MDGA2: variants seen among roughly 807,000 people sequenced by gnomAD.
The protein encoded by MDGA2 is MAM domain-containing glycosylphosphatidylinositol anchor protein 2.
MDGA2 carries 40 observed loss-of-function variants against 117.8 expected under a neutral mutation model. The ratio of observed to expected loss-of-function variants is 0.34; its 90% CI spans 0.26 to 0.44. The LOEUF (loss-of-function observed/expected upper bound fraction) is 0.44, where lower values mean the gene tolerates loss of function less well. Among genes scored for constraint, MDGA2 ranks in the 20% least tolerant of loss-of-function variants. The pLI, the probability that MDGA2 is intolerant of heterozygous loss-of-function variation, is 1.00. For missense variants in MDGA2, 1,123 were observed against 1,250.6 expected, an observed-to-expected ratio of 0.90 and a Z score of 1.54; for synonymous variants, 452 against 439.0, an observed-to-expected ratio of 1.03 and a Z score of -0.37.
intron 1 of MDGA2, among the ~76,000 whole-genome samples, chr14:47,592,126 G>A (rs1443221626): frequency 6.6e-6 from 1 of 152,044 alleles, no homozygotes; most frequent in Non-Finnish European, 1.5e-5. Context: ...AATCATGAAT[G>A]AACTCCCATT....
chr14:47,595,549 A>AAAC (rs1385847795), intron 1 of MDGA2, among the ~76,000 whole-genome samples: 3 of 111,176 alleles, frequency 2.7e-5, no homozygotes, highest in East Asian at 8.6e-4. Flanking sequence ...CCAAAAAACA[A>AAAC]AAAAAAACAA....
At chr14:47,275,757 G>C (rs945203613) in intron 2 of MDGA2, among the ~76,000 whole-genome samples, 1 of 152,036 alleles carries the variant, frequency 6.6e-6, no homozygotes, top group African/African-American at 2.4e-5. Flanking sequence ...TTTTTTTAGA[G>C]TTTAGTACAT....
At position 47,038,879 on chromosome 14, in the gene MDGA2, G is replaced by T. The variant is rs1362758356; in HGVS notation, c.1526-3575C>A. Among the ~76,000 whole-genome samples, 3 of 151,788 alleles carry T rather than the reference G, an allele frequency of 2.0e-5. No homozygotes were observed. The East Asian group carries it at 5.8e-4, about 29-fold the overall frequency. On this transcript the variant is annotated intron_variant, in intron 7 of 16. Transcript: ENST00000399232. ...GCAGGAGAATTGTTTGAACTCAGGA[G>T]GTGGAGGCTGCAGTGAGCCAAGATC... is the stretch of plus-strand genomic sequence containing the variant.
At chr14:47,066,294 T>G (rs1043593996) in intron 6 of MDGA2, among the ~76,000 whole-genome samples, 7 of 152,192 alleles carry the variant, frequency 4.6e-5, no homozygotes, top group Admixed American at 3.3e-4. Flanking sequence ...TTAATTATAA[T>G]TGACATTTCA....
rs368351565 is a variant in MDGA2 at position 47,391,358 on chromosome 14, CAT to C, written c.281-89810_281-89809del. 2.7e-3 allele frequency among the ~76,000 whole-genome samples: 404 copies of C among 152,232 alleles called. 1 individual carries two copies. The highest frequency in any genetic ancestry group is 9.3e-3 in the African/African-American group (385 of 41,548). The stretch of plus-strand genomic sequence containing the variant: ...TATAAATAGGGTGGCATTGTTTTGC[CAT>C]AGTTTTTAGGAATCAGTTTCTGTGA... On this transcript the variant is annotated intron_variant, in intron 1 of 16. Coordinates refer to ENST00000399232, the MANE Select transcript of MDGA2 (RefSeq NM_001113498.3).
chr14:47,375,670 T>C (rs1378123470), intron 1 of MDGA2, among the ~76,000 whole-genome samples: 1 of 152,138 alleles, frequency 6.6e-6, no homozygotes, highest in African/African-American at 2.4e-5. Context: ...TCTCAATTTT[T>C]AGTTACCTCA....
intron 2 of MDGA2, among the ~76,000 whole-genome samples, chr14:47,235,713 T>C (rs919382930): frequency 6.6e-6 from 1 of 152,180 alleles, no homozygotes; most frequent in Non-Finnish European, 1.5e-5. Flanking sequence ...TACCAGATTA[T>C]CTGGAAGGTT....
At chr14:46,872,555 T>C (rs531066243) in intron 14 of MDGA2, among the ~76,000 whole-genome samples, 51 of 151,948 alleles carry the variant, frequency 3.4e-4, no homozygotes, top group Non-Finnish European at 6.8e-4. Context: ...TTATATCACT[T>C]ATATCATGTG....
chr14:46,901,128 T>C lies in MDGA2; in HGVS notation c.2238+18884A>G, dbSNP rs182629865. Among the ~76,000 whole-genome samples, 296 of 145,726 alleles carry C rather than the reference T, an allele frequency of 2.0e-3. 2 individuals are homozygous for C. The highest frequency in any genetic ancestry group is 7.3e-3 in the African/African-American group (285 of 39,192). The stretch of plus-strand genomic sequence containing the variant: ...CACACATGAATACTTACACACAAAC[T>C]TGTTATAGTAAATTTTAAGAATGGA... On this transcript the variant is annotated intron_variant, in intron 10 of 16. Coordinates refer to ENST00000399232, the MANE Select transcript of MDGA2 (RefSeq NM_001113498.3).
chr14:47,207,679 T>C (rs766903064), intron 3 of MDGA2, among the ~76,000 whole-genome samples: 1 of 152,008 alleles, frequency 6.6e-6, no homozygotes, highest in Non-Finnish European at 1.5e-5. Flanking sequence ...ACAAACCCTT[T>C]CATTTACTTC....
chr14:47,369,778 AGTT>A (rs1033215580), intron 1 of MDGA2, among the ~76,000 whole-genome samples: 1 of 152,136 alleles, frequency 6.6e-6, no homozygotes, highest in African/African-American at 2.4e-5. Context: ...ATCATTAAAA[AGTT>A]GAATATTTTT....
intron 1 of MDGA2, among the ~76,000 whole-genome samples, chr14:47,581,105 C>G (rs999364007): frequency 6.6e-6 from 1 of 151,986 alleles, no homozygotes; most frequent in Non-Finnish European, 1.5e-5. Flanking sequence ...ATCCAGCTTT[C>G]AAGCTCATGA....
intron 1 of MDGA2, among the ~76,000 whole-genome samples, chr14:47,312,466 A>C (rs1889665224): frequency 6.6e-6 from 1 of 152,242 alleles, no homozygotes; most frequent in Non-Finnish European, 1.5e-5. Flanking sequence ...ACCTCTTCTA[A>C]GAAGTGTCAT....
chr14:47,299,770 TC>T (rs1235193880), intron 2 of MDGA2, among the ~76,000 whole-genome samples: 2 of 152,136 alleles, frequency 1.3e-5, no homozygotes, highest in Admixed American at 6.5e-5. Flanking sequence ...TCTTTTGGAA[TC>T]TTTTTTTTCT....
At chr14:46,963,233 T>C (rs1483118416) in intron 8 of MDGA2, among the ~76,000 whole-genome samples, 1 of 152,222 alleles carries the variant, frequency 6.6e-6, no homozygotes, top group Non-Finnish European at 1.5e-5. Context: ...TAGGAGCTTA[T>C]ACATTTGTCA....
chr14:47,163,160 T>A (rs1883712823), intron 3 of MDGA2, among the ~76,000 whole-genome samples: 1 of 152,142 alleles, frequency 6.6e-6, no homozygotes, highest in Admixed American at 6.5e-5. Flanking sequence ...GAAGACAAAG[T>A]CATCCCTGCT....
At chr14:47,493,528 G>C (rs1025520450) in intron 1 of MDGA2, among the ~76,000 whole-genome samples, 2 of 151,786 alleles carry the variant, frequency 1.3e-5, no homozygotes, top group East Asian at 3.9e-4. Context: ...TGTTGTCCAT[G>C]GCTGGTCTTG....
At chr14:47,474,368 G>C (rs891031583) in intron 1 of MDGA2, among the ~76,000 whole-genome samples, 1 of 152,078 alleles carries the variant, frequency 6.6e-6, no homozygotes, top group African/African-American at 2.4e-5. Context: ...CATGTTCATG[G>C]ATAGGAAGAA....
At chr14:47,569,364 G>C (rs965654508) in intron 1 of MDGA2, among the ~76,000 whole-genome samples, 3 of 152,120 alleles carry the variant, frequency 2.0e-5, no homozygotes, top group African/African-American at 7.2e-5. Flanking sequence ...GAGTACTGCT[G>C]GCTTGCACCA....
Sources: gnomAD v4.1 joint callset for allele counts (sites outside exome capture counted in the v4.1 genomes callset) on GRCh38, gnomAD v4.1.1 for gene constraint, MANE v1.5 for transcripts, NCBI Gene and HGNC (gene_info 2026-07-23, HGNC 2026-07-21) for gene names.